Variants in GPC5 observed in about 807,000 individuals in gnomAD.
The protein encoded by GPC5 is glypican 5, also known as glypican-5.
GPC5 carries 47 observed loss-of-function variants against 53.9 expected under a neutral mutation model. That is an observed-to-expected ratio of 0.87 (90% confidence interval 0.69 to 1.11). The LOEUF is 1.11. Among genes scored for constraint, GPC5 ranks in the 50% most tolerant of loss-of-function variants. The pLI is 0.00. For synonymous variants in GPC5, 286 were observed against 263.3 expected, an observed-to-expected ratio of 1.09 and a Z score of -0.84; for missense variants, 748 against 713.1, an observed-to-expected ratio of 1.05 and a Z score of -0.56.
At chr13:92,812,717 T>A (rs1219739215) in intron 7 of GPC5, among the ~76,000 whole-genome samples, 4 of 151,814 alleles carry the variant, frequency 2.6e-5, no homozygotes, top group Non-Finnish European at 5.9e-5. Flanking sequence ...TCCTAAAACA[T>A]CCACAAGAAA....
intron 7 of GPC5, among the ~76,000 whole-genome samples, chr13:92,717,950 T>C (rs1167145908): frequency 3.9e-5 from 6 of 152,070 alleles, no homozygotes; most frequent in African/African-American, 1.2e-4. Flanking sequence ...GCAAAAGGTC[T>C]AAGAAAGACA....
At chr13:91,649,279 T>A (rs2034637355) in intron 2 of GPC5, among the ~76,000 whole-genome samples, 1 of 152,168 alleles carries the variant, frequency 6.6e-6, no homozygotes, top group African/African-American at 2.4e-5. Context: ...ATACAACTCT[T>A]GAGTGAGGCC....
At chr13:92,381,879 A>ATT (rs140110076) in intron 7 of GPC5, among the ~76,000 whole-genome samples, 1,398 of 78,844 alleles carry the variant, frequency 0.018, 128 homozygotes, top group Middle Eastern at 0.082. Context: ...CATATATATG[A>ATT]TTATATATAT....
intron 7 of GPC5, among the ~76,000 whole-genome samples, chr13:92,673,908 T>C (rs765575674): frequency 4.6e-5 from 7 of 152,182 alleles, no homozygotes; most frequent in Non-Finnish European, 1.0e-4. Flanking sequence ...GAACTACTTA[T>C]AAAACCAAGG....
At chr13:92,488,494 TA>T (rs1879642964) in intron 7 of GPC5, among the ~76,000 whole-genome samples, 1 of 152,226 alleles carries the variant, frequency 6.6e-6, no homozygotes, top group Non-Finnish European at 1.5e-5. Context: ...TCCGTTGCCA[TA>T]CGTGCTGATA....
At chr13:92,754,515 A>T (rs913253394) in intron 7 of GPC5, among the ~76,000 whole-genome samples, 5 of 151,782 alleles carry the variant, frequency 3.3e-5, no homozygotes, top group African/African-American at 1.2e-4. Context: ...AAATGCTCCA[A>T]TTAAAAGACA....
intron 7 of GPC5, among the ~76,000 whole-genome samples, chr13:92,756,018 A>G (rs1335655841): frequency 6.6e-6 from 1 of 152,066 alleles, no homozygotes; most frequent in South Asian, 2.1e-4. Context: ...CCTGGCAGAG[A>G]CACAACCAAA....
At chr13:92,318,099 AT>A (rs1233007713) in intron 7 of GPC5, among the ~76,000 whole-genome samples, 1 of 152,128 alleles carries the variant, frequency 6.6e-6, no homozygotes, top group Non-Finnish European at 1.5e-5. Context: ...TGAAAATTAG[AT>A]TTATTTTGTT....
chr13:92,758,178 T>A (rs1415951066), intron 7 of GPC5, among the ~76,000 whole-genome samples: 1 of 150,194 alleles, frequency 6.7e-6, no homozygotes, highest in Non-Finnish European at 1.5e-5. Context: ...TCATGTCCTT[T>A]GTAGGGACAT....
chr13:92,293,422 C>CTTTT (rs748125673), intron 7 of GPC5, among the ~76,000 whole-genome samples: 4 of 77,268 alleles, frequency 5.2e-5, no homozygotes, highest in Admixed American at 1.5e-4. Flanking sequence ...TGGTTGGTTT[C>CTTTT]TTTTTTTTTT....
chr13:92,297,746 G>T (rs1295674728), intron 7 of GPC5, among the ~76,000 whole-genome samples: 1 of 152,082 alleles, frequency 6.6e-6, no homozygotes, highest in Non-Finnish European at 1.5e-5. Context: ...CCAGATAAGA[G>T]AATAAAAGCA....
intron 4 of GPC5, among the ~76,000 whole-genome samples, chr13:91,745,380 C>T (rs948014033): frequency 2.6e-5 from 4 of 152,010 alleles, no homozygotes; most frequent in Non-Finnish European, 4.4e-5. Context: ...AATCAAATTA[C>T]AAGAGAGTGC....
At chr13:91,535,611 A>T (rs1416359480) in intron 2 of GPC5, among the ~76,000 whole-genome samples, 10 of 152,142 alleles carry the variant, frequency 6.6e-5, no homozygotes, top group African/African-American at 2.4e-4. Flanking sequence ...AATTATCAGG[A>T]TATGGACACA....
intron 5 of GPC5, among the ~76,000 whole-genome samples, chr13:91,787,654 T>C (rs439700): frequency 0.36 from 55,081 of 151,924 alleles, 11,657 homozygotes; most frequent in African/African-American, 0.59. Flanking sequence ...TATTAAATGG[T>C]TTACACATAT....
intron 7 of GPC5, among the ~76,000 whole-genome samples, chr13:92,151,876 A>G (rs1421435525): frequency 6.6e-6 from 1 of 152,202 alleles, no homozygotes; most frequent in Admixed American, 6.5e-5. Context: ...CTTAAAAAAT[A>G]CTTCATAGAG....
At chr13:92,510,935 G>T (rs901679024) in intron 7 of GPC5, among the ~76,000 whole-genome samples, 6 of 152,178 alleles carry the variant, frequency 3.9e-5, no homozygotes, top group African/African-American at 1.4e-4. Context: ...AGTGAGGGAG[G>T]ATAAGATCAG....
At chr13:92,844,533 A>T (rs1802443685) in intron 7 of GPC5, among the ~76,000 whole-genome samples, 1 of 143,288 alleles carries the variant, frequency 7.0e-6, no homozygotes, top group African/African-American at 2.7e-5. Context: ...TTTTACAGGA[A>T]AAATGTGTGT....
intron 2 of GPC5, among the ~76,000 whole-genome samples, chr13:91,575,311 T>C (rs1454601809): frequency 1.3e-5 from 2 of 152,192 alleles, no homozygotes; most frequent in African/African-American, 4.8e-5. Context: ...GAAAATTGCA[T>C]TTATTGAAAT....
rs116264246 is a variant in GPC5, at chr13:92,092,729, C to G, written c.1402-52101C>G. Among the ~76,000 whole-genome samples the G allele has an allele frequency of 4.6e-3, 699 of 152,110 alleles. 11 individuals are homozygous for G. Among genetic ancestry groups the G allele is most frequent in the African/African-American group, 0.016 (670 of 41,502 alleles). On this transcript the variant is annotated intron_variant, in intron 6 of 7. Transcript: ENST00000377067. The stretch of plus-strand genomic sequence containing the variant: ...GGCATGTATTAAGAAAATGTCAACC[C>G]AATGTCAAAGGATAATTAATTTTTT...
Sources: allele counts gnomAD v4.1 joint callset (sites outside exome capture counted in the v4.1 genomes callset), GRCh38; gene constraint gnomAD v4.1.1; transcripts MANE v1.5; gene names NCBI Gene and HGNC (gene_info 2026-07-23, HGNC 2026-07-21).